CERS5: variants seen among roughly 807,000 people sequenced by gnomAD.
CERS5 encodes ceramide synthase 5, also known as LAG1 homolog, ceramide synthase 5.
In CERS5, 37 loss-of-function variants were observed where a neutral mutation model predicts 58.9. The observed-to-expected ratio is 0.63, with a 90% confidence interval of 0.48 to 0.83. The LOEUF (loss-of-function observed/expected upper bound fraction) is 0.83, where lower values mean the gene tolerates loss of function less well. CERS5 is among the 40% of genes least tolerant of loss of function. The pLI is 0.00. For missense variants in CERS5, 398 were observed against 489.3 expected, an observed-to-expected ratio of 0.81 and a Z score of 1.76; for synonymous variants, 147 against 177.8, an observed-to-expected ratio of 0.83 and a Z score of 1.38.
At position 50,135,804 on chromosome 12, in the gene CERS5, C is replaced by T. The variant is rs528429651; in HGVS notation, c.800G>A (p.Arg267Gln). The T allele has an allele frequency of 5.0e-5, 81 of 1,614,002 alleles. No homozygotes were observed. The highest frequency in any genetic ancestry group is 2.3e-4 in the South Asian group (21 of 91,080). The change falls in exon 8 of 10, where the codon CGG (arginine) becomes CAG (glutamine). Residue 267 changes from arginine to glutamine, a missense_variant. This residue lies in a region of CERS5 where 328 missense variants were observed against 384.5 expected (regional missense o/e 0.85). Coordinates refer to ENST00000317551, the MANE Select transcript of CERS5 (RefSeq NM_147190.5). ...AKLANYAKYQ[R>Q]LCDTLFVIFS... ...GATCACAAAAAGGGTGTCACAGAGC[C>T]GCTGATACTTGGCATAATTGGCCAG...
intron 1 of CERS5, among the ~76,000 whole-genome samples, chr12:50,149,539 G>A (rs1013977359): frequency 5.3e-5 from 8 of 152,114 alleles, no homozygotes; most frequent in African/African-American, 1.9e-4. Context: ...CACCACTGAT[G>A]AATATGAATT....
intron 1 of CERS5, chr12:50,148,578 C>A: frequency 2.9e-6 from 1 of 345,136 alleles, no homozygotes; most frequent in South Asian, 2.0e-5. Flanking sequence ...GTCTGGGCGA[C>A]AAAGCAGACT....
At chr12:50,133,545 C>G (rs1951452479) in intron 9 of CERS5, 2 of 987,166 alleles carry the variant, frequency 2.0e-6, no homozygotes, top group Non-Finnish European at 2.4e-6. Context: ...TTCTAGGCAA[C>G]TTAACAATCT....
Position 50,167,354 on chromosome 12 carries a change from C to A in CERS5, c.-57G>T. The A allele has an allele frequency of 2.8e-6, 4 of 1,447,946 alleles. No homozygotes were observed. The highest frequency in any genetic ancestry group is 3.6e-6 in the Non-Finnish European group (4 of 1,110,446). 89.7% of individuals were successfully genotyped at this position (1,447,946 alleles called of 1,614,324 possible). On this transcript the variant is annotated 5_prime_UTR_variant, in exon 1 of 10. Coordinates refer to ENST00000317551, the MANE Select transcript of CERS5 (RefSeq NM_147190.5). Reference sequence around the variant, plus strand: ...AAGCGTCAGCTGCCGCCACAGCCAACGGAACCCGCGGGGAGGCGGCCCCAG... The same window carrying A: ...AAGCGTCAGCTGCCGCCACAGCCAAAGGAACCCGCGGGGAGGCGGCCCCAG...
intron 1 of CERS5, among the ~76,000 whole-genome samples, chr12:50,164,310 C>A (rs1331482557): frequency 6.6e-6 from 1 of 150,972 alleles, no homozygotes; most frequent in Non-Finnish European, 1.5e-5. Context: ...TGGTGTGCAC[C>A]TATGGTCCTG....
intron 9 of CERS5, chr12:50,133,879 C>G (rs948016662): frequency 2.1e-5 from 9 of 423,288 alleles, no homozygotes; most frequent in Non-Finnish European, 2.5e-5. Flanking sequence ...AGAGACCAGC[C>G]TGGCCAACAT....
intron 1 of CERS5, among the ~76,000 whole-genome samples, chr12:50,162,856 A>C (rs1226929994): frequency 2.6e-5 from 4 of 152,030 alleles, no homozygotes; most frequent in Admixed American, 6.6e-5. Context: ...CGCCCGTCTC[A>C]GCCTCCCAAA....
At chr12:50,131,558 C>CAAAAA (rs752634104) in intron 9 of CERS5, among the ~76,000 whole-genome samples, 5 of 69,820 alleles carry the variant, frequency 7.2e-5, no homozygotes, top group Middle Eastern at 0.014. Flanking sequence ...GACTCCATCT[C>CAAAAA]AAAAAAAAAA....
rs1018054750 is a variant in CERS5, at chr12:50,129,377, A to G, written c.*1168T>C. On this transcript the variant is annotated 3_prime_UTR_variant, in exon 10 of 10. Transcript: ENST00000317551. ...CAATCCAGTTTGTATTAACAAGGCA[A>G]TTGTTCAAATTTCAGAAGGCAAAAT... The G allele has an allele frequency of 6.6e-6, 1 of 152,182 alleles. No individual in the cohort carries two copies. Among genetic ancestry groups the G allele is most frequent in the African/African-American group, 2.4e-5 (1 of 41,444 alleles). 9.4% of individuals were successfully genotyped at this position (152,182 alleles called of 1,614,324 possible).
At chr12:50,141,296 C>T (rs1378059275) in intron 4 of CERS5, among the ~76,000 whole-genome samples, 2 of 152,118 alleles carry the variant, frequency 1.3e-5, no homozygotes, top group Non-Finnish European at 2.9e-5. Context: ...AAATGATCTG[C>T]CCATCTTGGC....
intron 1 of CERS5, among the ~76,000 whole-genome samples, chr12:50,145,980 A>C (rs943715375): frequency 6.6e-6 from 1 of 152,188 alleles, no homozygotes; most frequent in Non-Finnish European, 1.5e-5. Flanking sequence ...GCCATATCAG[A>C]GATAAAAATC....
intron 1 of CERS5, chr12:50,144,857 C>T (rs746354327): frequency 3.1e-4 from 426 of 1,374,962 alleles, no homozygotes; most frequent in Non-Finnish European, 3.8e-4. Flanking sequence ...ATAAAAAAGC[C>T]GGGCGTGGTG....
chr12:50,135,405 A>T, intron 8 of CERS5: 2 of 516,552 alleles, frequency 3.9e-6, no homozygotes. Flanking sequence ...AATTGTATCA[A>T]CAGTGCAAAA....
At chr12:50,162,183 TC>T (rs1247308108) in intron 1 of CERS5, among the ~76,000 whole-genome samples, 2 of 101,878 alleles carry the variant, frequency 2.0e-5, no homozygotes, top group Admixed American at 2.9e-4. Context: ...GCTGATTTGT[TC>T]TTTTTTTTTT....
intron 1 of CERS5, among the ~76,000 whole-genome samples, chr12:50,159,667 C>T (rs1939051097): frequency 6.6e-6 from 1 of 152,042 alleles, no homozygotes; most frequent in Non-Finnish European, 1.5e-5. Flanking sequence ...GATCTTGGCT[C>T]GCTGCAACCT....
chr12:50,161,525 C>T (rs1394080266), intron 1 of CERS5, among the ~76,000 whole-genome samples: 1 of 152,034 alleles, frequency 6.6e-6, no homozygotes, highest in Non-Finnish European at 1.5e-5. Context: ...GCCTGTAATC[C>T]TAGCACTTTG....
At position 50,133,223 on chromosome 12, in the gene CERS5, A is replaced by G. The variant is rs185632766; in HGVS notation, c.1029+1323T>C. The G allele has an allele frequency of 2.8e-3, 3,246 of 1,140,894 alleles. 11 individuals are homozygous for G. The highest frequency in any genetic ancestry group is 3.0e-3 in the Non-Finnish European group (2,719 of 912,248). The allele number at this position is 1,140,894 out of a possible 1,614,324, so 70.7% of individuals were successfully genotyped here. On this transcript the variant is annotated intron_variant, in intron 9 of 9. Transcript: ENST00000317551. ...CCACATTCCATCACTTGGTCCTAGT[A>G]TCAGTACCTGCTCAAGCAGAGCCCC...
chr12:50,165,775 T>G (rs1454736619), intron 1 of CERS5: 1 of 268,340 alleles, frequency 3.7e-6, no homozygotes, highest in African/African-American at 2.3e-5. Flanking sequence ...TCATTTATGC[T>G]TGGATAAAGG....
chr12:50,154,216 G>C (rs778257299), intron 1 of CERS5: 12 of 351,534 alleles, frequency 3.4e-5, no homozygotes, highest in South Asian at 2.5e-4. Flanking sequence ...AGCTGGGTGC[G>C]GTGGCACATG....
Sources: gnomAD v4.1 joint callset for allele counts (sites outside exome capture counted in the v4.1 genomes callset) on GRCh38, gnomAD v4.1.1 for gene constraint, gnomAD v4.1.1 regional missense constraint, MANE v1.5 for transcripts, NCBI Gene and HGNC (gene_info 2026-07-23, HGNC 2026-07-21) for gene names.